Variants in ANKS1B observed in about 807,000 individuals in gnomAD.
The protein encoded by ANKS1B is ankyrin repeat and sterile alpha motif domain-containing protein 1B.
ANKS1B carries 36 observed loss-of-function variants against 148.3 expected under a neutral mutation model. The observed-to-expected ratio is 0.24, with a 90% CI of 0.19 to 0.32. ANKS1B has a LOEUF of 0.32. ANKS1B is among the 10% of genes least tolerant of loss of function. The probability of loss-of-function intolerance (pLI) is 1.00; values close to 1 mark genes in which losing one functional copy is unlikely to be tolerated. For synonymous variants in ANKS1B, 542 were observed against 560.8 expected, an observed-to-expected ratio of 0.97 and a Z score of 0.47; for missense variants, 1,157 against 1,542.6, an observed-to-expected ratio of 0.75 and a Z score of 4.19.
At chr12:99,933,419 T>C (rs1378493519) in intron 1 of ANKS1B, among the ~76,000 whole-genome samples, 1 of 152,172 alleles carries the variant, frequency 6.6e-6, no homozygotes, top group Admixed American at 6.5e-5. Context: ...CATTTTTCCA[T>C]GTCCTCTTCA....
intron 1 of ANKS1B, among the ~76,000 whole-genome samples, chr12:99,910,053 T>C (rs61117618): frequency 0.038 from 5,798 of 152,138 alleles, 351 homozygotes; most frequent in African/African-American, 0.13. Flanking sequence ...AAAAGATCCA[T>C]ATAATAGAAT....
At chr12:99,897,095 C>CA (rs199927376) in intron 1 of ANKS1B, among the ~76,000 whole-genome samples, 13 of 150,194 alleles carry the variant, frequency 8.7e-5, no homozygotes, top group South Asian at 2.1e-4. Context: ...TGAGATAGCA[C>CA]AAAAAAAAGA....
intron 3 of ANKS1B, among the ~76,000 whole-genome samples, 184 bp downstream of exon 3, chr12:99,811,971 G>A (rs191196213): frequency 2.0e-5 from 3 of 151,912 alleles, no homozygotes; most frequent in Admixed American, 2.0e-4. Flanking sequence ...CTTTACAAAT[G>A]CCCAACTTAG....
intron 9 of ANKS1B, among the ~76,000 whole-genome samples, chr12:99,504,966 G>A (rs894067096): frequency 3.3e-5 from 5 of 151,782 alleles, no homozygotes; most frequent in African/African-American, 9.7e-5. Flanking sequence ...CTCCTTTGCC[G>A]GCCTCCTGGA....
chr12:99,206,971 T>C (rs2712659), intron 14 of ANKS1B, among the ~76,000 whole-genome samples: 131,108 of 152,196 alleles, frequency 0.86, 56,954 homozygotes, highest in East Asian at 1. Context: ...CCCACCTACA[T>C]CTTTCTTTGT....
At chr12:99,470,321 C>G (rs2096219762) in intron 10 of ANKS1B, among the ~76,000 whole-genome samples, 1 of 152,012 alleles carries the variant, frequency 6.6e-6, no homozygotes, top group Non-Finnish European at 1.5e-5. Flanking sequence ...AATCACTGGT[C>G]TCAGAAGAAC....
intron 8 of ANKS1B, among the ~76,000 whole-genome samples, chr12:99,679,420 A>C (rs923501014): frequency 4.6e-5 from 7 of 151,992 alleles, no homozygotes; most frequent in African/African-American, 1.7e-4. Context: ...CCATCCTCCC[A>C]CCTCAGCCTC....
intron 1 of ANKS1B, among the ~76,000 whole-genome samples, chr12:99,911,407 C>T (rs905691938): frequency 6.6e-6 from 1 of 152,124 alleles, no homozygotes; most frequent in Non-Finnish European, 1.5e-5. Flanking sequence ...TTTCAAGGTC[C>T]TATCAGCTTA....
At chr12:99,716,591 C>T (rs2057363225) in intron 8 of ANKS1B, among the ~76,000 whole-genome samples, 1 of 152,132 alleles carries the variant, frequency 6.6e-6, no homozygotes, top group Non-Finnish European at 1.5e-5. Context: ...TCCAAATAGC[C>T]AGAAAATGGC....
chr12:98,862,684 T>C (rs2099605364), intron 17 of ANKS1B, among the ~76,000 whole-genome samples: 1 of 152,120 alleles, frequency 6.6e-6, no homozygotes, highest in African/African-American at 2.4e-5. Flanking sequence ...AGTGCGACAT[T>C]CTGAAAACTG....
At chr12:99,138,121 C>T (rs1055612125) in intron 15 of ANKS1B, among the ~76,000 whole-genome samples, 5 of 152,110 alleles carry the variant, frequency 3.3e-5, no homozygotes, top group Non-Finnish European at 7.4e-5. Flanking sequence ...AAAGTGGAAA[C>T]TAAGCAAATG....
At chr12:99,693,081 A>T (rs905667544) in intron 8 of ANKS1B, among the ~76,000 whole-genome samples, 1 of 152,200 alleles carries the variant, frequency 6.6e-6, no homozygotes, top group African/African-American at 2.4e-5. Flanking sequence ...CAGCAGAGGA[A>T]GAGGAGTTTG....
chr12:98,882,576 T>C (rs1483507777), intron 17 of ANKS1B, among the ~76,000 whole-genome samples: 1 of 152,182 alleles, frequency 6.6e-6, no homozygotes, highest in Non-Finnish European at 1.5e-5. Context: ...TACTGTGTAC[T>C]TTCTCAAGAA....
intron 17 of ANKS1B, among the ~76,000 whole-genome samples, chr12:99,007,761 G>A (rs929858394): frequency 2.6e-5 from 4 of 151,916 alleles, no homozygotes; most frequent in African/African-American, 9.7e-5. Flanking sequence ...CCTGTTTTGG[G>A]GACTGGGAGA....
chr12:99,817,012 T>A (rs1285330695), intron 2 of ANKS1B, among the ~76,000 whole-genome samples: 1 of 151,670 alleles, frequency 6.6e-6, no homozygotes, highest in East Asian at 1.9e-4. Context: ...CAAAGGTTTA[T>A]CTTTTTTTTG....
In ANKS1B at chr12:99,115,195, A is replaced by C. The variant is rs185877343; in HGVS notation, c.2527-30172T>G. Reference sequence around the variant, plus strand: ...TGCGATGTTTACTGCAGCAGTATTCACAATAGCAAAAACAGAATCAACTTA... The same window carrying C: ...TGCGATGTTTACTGCAGCAGTATTCCCAATAGCAAAAACAGAATCAACTTA... On this transcript the variant is annotated intron_variant, in intron 15 of 26. Transcript: ENST00000683438. 2.6e-5 allele frequency among the ~76,000 whole-genome samples: 4 copies of C among 152,342 alleles called. No individual in the cohort carries two copies. In the East Asian group the frequency reaches 7.7e-4, roughly 29 times the overall value.
chr12:99,307,040 T>C (rs543650602), intron 12 of ANKS1B, among the ~76,000 whole-genome samples: 5 of 152,142 alleles, frequency 3.3e-5, no homozygotes, highest in Non-Finnish European at 7.4e-5. Flanking sequence ...GGCTCTGCCT[T>C]CTTCTAACTT....
chr12:98,783,336 G>C (rs1340375480), intron 22 of ANKS1B, among the ~76,000 whole-genome samples: 2 of 152,200 alleles, frequency 1.3e-5, no homozygotes, highest in Admixed American at 6.5e-5. Context: ...TCTGAGCTGT[G>C]TCTGAGCTCA....
chr12:99,248,034 C>A (rs575956384), intron 12 of ANKS1B, among the ~76,000 whole-genome samples: 27 of 152,096 alleles, frequency 1.8e-4, no homozygotes, highest in Non-Finnish European at 3.5e-4. Flanking sequence ...GTGTTATTTA[C>A]TAGGCACTGA....
Sources: gnomAD v4.1 joint callset for allele counts (sites outside exome capture counted in the v4.1 genomes callset) on GRCh38, gnomAD v4.1.1 for gene constraint, MANE v1.5 for transcripts, NCBI Gene and HGNC (gene_info 2026-07-23, HGNC 2026-07-21) for gene names.